KCNH7: variants seen among roughly 807,000 people sequenced by gnomAD.
KCNH7 encodes voltage-gated inwardly rectifying potassium channel KCNH7.
A neutral mutation model predicts 120.8 loss-of-function variants in KCNH7; 49 were observed. The observed-to-expected ratio is 0.41, with a 90% confidence interval of 0.32 to 0.51. The LOEUF is 0.51. Among genes scored for constraint, KCNH7 ranks in the 20% least tolerant of loss-of-function variants. KCNH7 has a pLI of 0.38. For missense variants in KCNH7, 1,097 were observed against 1,446.6 expected, an observed-to-expected ratio of 0.76 and a Z score of 3.92; for synonymous variants, 547 against 516.1, an observed-to-expected ratio of 1.06 and a Z score of -0.81.
At chr2:162,574,135 G>T (rs867354601) in intron 2 of KCNH7, among the ~76,000 whole-genome samples, 15 of 152,090 alleles carry the variant, frequency 9.9e-5, no homozygotes, top group Middle Eastern at 3.4e-3. Context: ...TACAACATAG[G>T]TGTATTTTGC....
intron 2 of KCNH7, among the ~76,000 whole-genome samples, chr2:162,647,305 T>C (rs1012315942): frequency 1.2e-4 from 19 of 152,100 alleles, no homozygotes; most frequent in Non-Finnish European, 8.8e-5. Flanking sequence ...TCCAGTGTGT[T>C]TTGTGGGAAT....
intron 3 of KCNH7, among the ~76,000 whole-genome samples, chr2:162,521,881 C>T (rs1053933104): frequency 6.6e-6 from 1 of 151,782 alleles, no homozygotes; most frequent in African/African-American, 2.4e-5. Flanking sequence ...GTGCCTATTA[C>T]CTATCCCCAC....
In KCNH7 at chr2:162,718,122, G is replaced by T. The variant is rs185349444; in HGVS notation, c.307+118415C>A. 3.6e-3 allele frequency among the ~76,000 whole-genome samples: 543 copies of T among 151,582 alleles called. 4 individuals carry two copies. Among genetic ancestry groups the T allele is most frequent in the African/African-American group, 0.013 (522 of 41,348 alleles). ...GTACCCAGGAAGGAAGGCTTATAAA[G>T]AATTTGTGATTTTAGTTGATCTCTT... On this transcript the variant is annotated intron_variant, in intron 2 of 15. Coordinates refer to ENST00000332142, the MANE Select transcript of KCNH7 (RefSeq NM_033272.4).
At chr2:162,657,409 A>G (rs1275264203) in intron 2 of KCNH7, among the ~76,000 whole-genome samples, 1 of 152,164 alleles carries the variant, frequency 6.6e-6, no homozygotes, top group East Asian at 1.9e-4. Flanking sequence ...GTCATCTCAC[A>G]GTATGTAACC....
intron 2 of KCNH7, among the ~76,000 whole-genome samples, chr2:162,543,058 C>T (rs1160052408): frequency 1.3e-5 from 2 of 152,038 alleles, no homozygotes; most frequent in Non-Finnish European, 2.9e-5. Flanking sequence ...GGCTTGTGGC[C>T]TTCAGTAGAA....
intron 2 of KCNH7, among the ~76,000 whole-genome samples, chr2:162,691,724 C>G (rs1008309163): frequency 2.0e-5 from 3 of 152,104 alleles, no homozygotes; most frequent in Non-Finnish European, 4.4e-5. Flanking sequence ...TTCCTTGATT[C>G]TACATTTCCT....
At chr2:162,458,178 C>T (rs1225093447) in intron 6 of KCNH7, among the ~76,000 whole-genome samples, 3 of 151,092 alleles carry the variant, frequency 2.0e-5, no homozygotes, top group Non-Finnish European at 2.9e-5. Context: ...CATTTAGATT[C>T]AGGTTCAGCT....
At chr2:162,468,762 T>C (rs1409512752) in intron 6 of KCNH7, among the ~76,000 whole-genome samples, 1 of 152,074 alleles carries the variant, frequency 6.6e-6, no homozygotes, top group Non-Finnish European at 1.5e-5. Context: ...CCTCCCAGGA[T>C]GGTCTCGATC....
rs1051991840 is a variant in KCNH7 at position 162,632,469 on chromosome 2, T to C, written c.308-95389A>G. 4.6e-5 allele frequency among the ~76,000 whole-genome samples: 7 copies of C among 152,038 alleles called. No homozygotes were observed. In the East Asian group the frequency reaches 7.7e-4, roughly 17 times the overall value. On this transcript the variant is annotated intron_variant, in intron 2 of 15. Coordinates refer to ENST00000332142, the MANE Select transcript of KCNH7 (RefSeq NM_033272.4). ...AATAATCTATAAACTGAAAATATTT[T>C]TTATCAAACTCTCAACATTATATTT...
intron 2 of KCNH7, among the ~76,000 whole-genome samples, chr2:162,577,318 T>TATCTATCTATCTATCTATCTATC (rs1559025306): frequency 2.0e-5 from 3 of 147,836 alleles, no homozygotes; most frequent in African/African-American, 7.5e-5. Flanking sequence ...TCTATCTATC[T>TATCTATCTATCTATCTATCTATC]ATCTATCTAT....
intron 2 of KCNH7, among the ~76,000 whole-genome samples, chr2:162,744,820 G>A (rs1255188394): frequency 1.3e-5 from 2 of 151,982 alleles, no homozygotes; most frequent in Non-Finnish European, 2.9e-5. Flanking sequence ...TGATCCGCCC[G>A]CCTCGGCCTC....
intron 2 of KCNH7, among the ~76,000 whole-genome samples, chr2:162,828,531 A>G (rs889301617): frequency 2.0e-5 from 3 of 152,130 alleles, no homozygotes; most frequent in African/African-American, 7.2e-5. Context: ...AAAAGAATTA[A>G]TGTCCTATCA....
At chr2:162,628,868 T>C (rs1212885183) in intron 2 of KCNH7, among the ~76,000 whole-genome samples, 1 of 152,084 alleles carries the variant, frequency 6.6e-6, no homozygotes, top group Admixed American at 6.6e-5. Context: ...CAGCAGATTG[T>C]AGTTTTTTCT....
rs759104900 is a variant in KCNH7, at chr2:162,512,667, A to G, written c.900T>C (p.Gly300=). The G allele has an allele frequency of 6.2e-6, 10 of 1,608,992 alleles. No homozygotes were observed. The highest frequency in any genetic ancestry group is 8.5e-6 in the Non-Finnish European group (10 of 1,176,614). The change falls in exon 5 of 16, where the codon GGT becomes GGC. Residue 300 remains glycine, a synonymous_variant. Transcript: ENST00000332142. The stretch of plus-strand genomic sequence containing the variant: ...TTTGTACATTACCTTTGACATTGCG[A>G]CCATTGTCTGTTTTGAGCACATAAG... ...FRDRHASEDN[G]RNVKGPFNHI... is the part of the protein sequence containing the mutation.
At chr2:162,519,198 C>A (rs2105788061) in intron 3 of KCNH7, among the ~76,000 whole-genome samples, 1 of 151,774 alleles carries the variant, frequency 6.6e-6, no homozygotes, top group Admixed American at 6.6e-5. Context: ...AAAACATATA[C>A]ATTTATTTTG....
At chr2:162,659,844 G>A (rs1437530662) in intron 2 of KCNH7, among the ~76,000 whole-genome samples, 1 of 152,226 alleles carries the variant, frequency 6.6e-6, no homozygotes, top group South Asian at 2.1e-4. Context: ...TTCTTGAAGA[G>A]ATATAGAGAA....
At chr2:162,799,726 A>G (rs1175001684) in intron 2 of KCNH7, among the ~76,000 whole-genome samples, 1 of 151,996 alleles carries the variant, frequency 6.6e-6, no homozygotes, top group African/African-American at 2.4e-5. Context: ...AAATCATAGC[A>G]AAACACAGGT....
At chr2:162,823,144 A>G (rs1685171265) in intron 2 of KCNH7, among the ~76,000 whole-genome samples, 1 of 152,102 alleles carries the variant, frequency 6.6e-6, no homozygotes, top group African/African-American at 2.4e-5. Flanking sequence ...GCTATGTACT[A>G]CTTTTGCAGT....
intron 9 of KCNH7, among the ~76,000 whole-genome samples, chr2:162,416,807 C>T (rs1212432236): frequency 5.3e-5 from 8 of 152,026 alleles, no homozygotes; most frequent in African/African-American, 1.4e-4. Context: ...CTAAGGTGAA[C>T]GTAGAGTTAT....
Sources: gnomAD v4.1 joint callset for allele counts (sites outside exome capture counted in the v4.1 genomes callset) on GRCh38, gnomAD v4.1.1 for gene constraint, MANE v1.5 for transcripts, NCBI Gene and HGNC (gene_info 2026-07-23, HGNC 2026-07-21) for gene names.